The following PEX5L variants were observed in gnomAD, a reference collection of about 807,000 sequenced individuals.
The protein encoded by PEX5L is peroxisomal biogenesis factor 5 like.
PEX5L carries 30 observed loss-of-function variants against 84.0 expected under a neutral mutation model. The observed-to-expected ratio is 0.36, with a 90% confidence interval of 0.27 to 0.48. The LOEUF (loss-of-function observed/expected upper bound fraction) is 0.48. Among genes scored for constraint, PEX5L ranks in the 20% least tolerant of loss-of-function variants. PEX5L has a pLI of 0.99. For missense variants in PEX5L, 533 were observed against 754.6 expected (o/e 0.71, Z 3.44); for synonymous variants, 270 against 283.1 (o/e 0.95, Z 0.46).
chr3:179,833,613 G>A (rs1305950406), intron 8 of PEX5L, among the ~76,000 whole-genome samples: 1 of 152,098 alleles, frequency 6.6e-6, no homozygotes, highest in Non-Finnish European at 1.5e-5. Flanking sequence ...GAAATAGAAG[G>A]TCAGTGATTC....
At chr3:179,959,744 T>G (rs899531750) in intron 2 of PEX5L, among the ~76,000 whole-genome samples, 12 of 152,196 alleles carry the variant, frequency 7.9e-5, no homozygotes, top group Admixed American at 3.3e-4. Flanking sequence ...CCCCGAACAC[T>G]GAGGCTAAAT....
At chr3:179,880,326 T>C (rs1465621296) in intron 4 of PEX5L, among the ~76,000 whole-genome samples, 1 of 152,152 alleles carries the variant, frequency 6.6e-6, no homozygotes, top group Admixed American at 6.5e-5. Context: ...ATGGCACAAA[T>C]TGGTAAGAAA....
chr3:179,971,732 TA>T, intron 1 of PEX5L, 67 bp from the exon 2 acceptor site: 2 of 1,410,774 alleles, frequency 1.4e-6, no homozygotes, highest in Non-Finnish European at 1.9e-6. Context: ...TTCTACTTAA[TA>T]TTTTTAAAGA....
At chr3:179,886,371 T>C (rs902813147) in intron 4 of PEX5L, among the ~76,000 whole-genome samples, 4 of 152,226 alleles carry the variant, frequency 2.6e-5, no homozygotes, top group African/African-American at 4.8e-5. Flanking sequence ...AAGTGAGAGC[T>C]GAATTTAGAA....
intron 8 of PEX5L, among the ~76,000 whole-genome samples, chr3:179,848,502 G>A (rs2108420583): frequency 6.9e-6 from 1 of 145,688 alleles, no homozygotes; most frequent in East Asian, 2.0e-4. Context: ...GAACTGAACT[G>A]AGATCATGCC....
intron 2 of PEX5L, among the ~76,000 whole-genome samples, chr3:179,964,872 T>C (rs1782947982): frequency 6.6e-6 from 1 of 152,236 alleles, no homozygotes; most frequent in South Asian, 2.1e-4. Flanking sequence ...GGCATTTATA[T>C]ACAAGAACTT....
chr3:179,991,616 T>C (rs1340448487), intron 1 of PEX5L, among the ~76,000 whole-genome samples: 1 of 152,156 alleles, frequency 6.6e-6, no homozygotes, highest in Admixed American at 6.5e-5. Context: ...TTACCTGTGG[T>C]TCAGATCTCA....
chr3:179,863,329 T>C (rs114800873), intron 7 of PEX5L, among the ~76,000 whole-genome samples: 83 of 152,068 alleles, frequency 5.5e-4, no homozygotes, highest in Non-Finnish European at 6.5e-4. Flanking sequence ...AAAAGCAAAA[T>C]AGGCAAGTGG....
chr3:179,937,703 A>AT (rs1363897221), intron 2 of PEX5L, among the ~76,000 whole-genome samples: 1 of 152,116 alleles, frequency 6.6e-6, no homozygotes, highest in Non-Finnish European at 1.5e-5. Context: ...GAATGTCCTA[A>AT]TTTTTTCTGA....
At position 179,797,628 on chromosome 3, in the gene PEX5L, ATATC is replaced by A. The variant is rs1717569418; in HGVS notation, c.*4196_*4199del. The A allele has an allele frequency of 2.8e-5, 4 of 144,662 alleles. No individual in the cohort carries two copies. Among genetic ancestry groups the A allele is most frequent in the African/African-American group, 1.0e-4 (4 of 39,544 alleles). 9.0% of individuals were successfully genotyped at this position (144,662 alleles called of 1,614,324 possible). ...AAAATATATATATATATATATATAT[ATATC>A]TACTTCTTAGTTCAAAACAGTTTAA... On this transcript the variant is annotated 3_prime_UTR_variant, in exon 15 of 15. Transcript: ENST00000467460.
chr3:179,970,965 T>C (rs1784570009), intron 2 of PEX5L, among the ~76,000 whole-genome samples: 1 of 152,158 alleles, frequency 6.6e-6, no homozygotes, highest in Admixed American at 6.6e-5. Flanking sequence ...CTGGAAACCT[T>C]CCATTACCTG....
chr3:179,929,875 T>C (rs945903161), intron 2 of PEX5L, among the ~76,000 whole-genome samples: 2 of 152,156 alleles, frequency 1.3e-5, no homozygotes, highest in South Asian at 4.2e-4. Flanking sequence ...CTGGTTCTCT[T>C]GTTGTTTATC....
chr3:179,799,697 G>C lies in PEX5L; in HGVS notation c.*2131C>G, dbSNP rs940438436. The C allele has an allele frequency of 6.6e-6, 1 of 152,288 alleles. No individual in the cohort carries two copies. The highest frequency in any genetic ancestry group is 2.4e-5 in the African/African-American group (1 of 41,444). 9.4% of individuals were successfully genotyped at this position (152,288 alleles called of 1,614,324 possible). On this transcript the variant is annotated 3_prime_UTR_variant, in exon 15 of 15. Transcript: ENST00000467460. ...ACTTTCTGGTCAAGGTACAGAGATG[G>C]CAGGAGGAAGGAGCAGGGAAGGAAA...
chr3:179,846,042 T>C lies in PEX5L; in HGVS notation c.822+13020A>G, dbSNP rs553333189. 8.5e-5 allele frequency among the ~76,000 whole-genome samples: 13 copies of C among 152,188 alleles called. No individual in the cohort carries two copies. In the South Asian group the frequency reaches 1.5e-3, roughly 17 times the overall value. On this transcript the variant is annotated intron_variant, in intron 8 of 14. Transcript: ENST00000467460. ...AAAATTAGCCGGCCATGGTGGTGCG[T>C]GCCTGTAATCCCAGCTACTCAGGAG... is the stretch of plus-strand genomic sequence containing the variant.
At chr3:179,951,391 T>C (rs1474367) in intron 2 of PEX5L, among the ~76,000 whole-genome samples, 108,925 of 152,048 alleles carry the variant, frequency 0.72, 39,616 homozygotes, top group East Asian at 0.89. Flanking sequence ...GTAGCCAGTT[T>C]TGACTACTTG....
chr3:179,802,564 A>AGAAAT (rs375578758), intron 14 of PEX5L, among the ~76,000 whole-genome samples: 21 of 149,124 alleles, frequency 1.4e-4, no homozygotes, highest in African/African-American at 5.1e-4. Context: ...AGAAAAGAAA[A>AGAAAT]GAAAAGAAAA....
At chr3:180,004,906 C>T (rs961877970) in intron 1 of PEX5L, among the ~76,000 whole-genome samples, 12 of 151,954 alleles carry the variant, frequency 7.9e-5, no homozygotes, top group African/African-American at 2.4e-4. Flanking sequence ...AAAAATTGAG[C>T]ATCTCATATT....
intron 1 of PEX5L, among the ~76,000 whole-genome samples, chr3:180,033,422 A>G (rs1791632264): frequency 6.6e-6 from 1 of 152,298 alleles, no homozygotes; most frequent in Non-Finnish European, 1.5e-5. Context: ...ATTGCTGTGG[A>G]TTCTTCAATA....
chr3:179,974,343 G>A, intron 1 of PEX5L: 2 of 225,546 alleles, frequency 8.9e-6, no homozygotes, highest in Non-Finnish European at 1.5e-5. Flanking sequence ...CAAGACACTG[G>A]AGCTGAGGAT....
Sources: gnomAD v4.1 joint callset for allele counts (sites outside exome capture counted in the v4.1 genomes callset) on GRCh38, gnomAD v4.1.1 for gene constraint, MANE v1.5 for transcripts, NCBI Gene and HGNC (gene_info 2026-07-23, HGNC 2026-07-21) for gene names.